Variants in PTDSS2 observed in about 807,000 individuals in gnomAD.
PTDSS2 encodes PSS-2.
PTDSS2 carries 41 observed loss-of-function variants against 64.7 expected under a neutral mutation model. That is an observed-to-expected ratio of 0.63 (90% confidence interval 0.49 to 0.82). PTDSS2 has a LOEUF of 0.82. Among genes scored for constraint, PTDSS2 ranks in the 40% least tolerant of loss-of-function variants. The pLI is 0.00. For missense variants in PTDSS2, 485 were observed against 650.0 expected, an observed-to-expected ratio of 0.75 and a Z score of 2.76; for synonymous variants, 297 against 277.8, an observed-to-expected ratio of 1.07 and a Z score of -0.69.
At chr11:449,341 G>A (rs573283673), upstream of PTDSS2, among the ~76,000 whole-genome samples, 15 of 152,344 alleles carry the variant, frequency 9.8e-5, 3 homozygotes, top group African/African-American at 3.6e-4. Flanking sequence ...GTGCTGGGAT[G>A]ACAGGCGTGC....
chr11:454,873 G>A (rs892906301), intron 1 of PTDSS2, among the ~76,000 whole-genome samples: 4 of 152,218 alleles, frequency 2.6e-5, no homozygotes, highest in Admixed American at 2.0e-4. Flanking sequence ...CTTGGTGCTG[G>A]TGGGACACAG....
upstream of PTDSS2, among the ~76,000 whole-genome samples, chr11:449,098 C>G (rs1392736289): frequency 7.1e-6 from 1 of 139,980 alleles, no homozygotes; most frequent in Non-Finnish European, 1.5e-5. Flanking sequence ...GACGGAGTCT[C>G]GCTCTGTCGC....
rs562263809 is a variant in PTDSS2, at chr11:462,455, G to T, written c.284+2167G>T. 6.6e-6 allele frequency among the ~76,000 whole-genome samples: 1 copy of T among 152,174 alleles called. No homozygotes were observed. The stretch of plus-strand genomic sequence containing the variant: ...GTTCTGTTCTGGGGACACTAAACGC[G>T]CTCCCAACTCACATTCTCTTTCCCC... On this transcript the variant is annotated intron_variant, in intron 2 of 11. Coordinates refer to ENST00000308020, the MANE Select transcript of PTDSS2 (RefSeq NM_030783.3). The surrounding 1 kb of genome is among the most constrained non-coding windows in gnomAD (Gnocchi z 4.5).
chr11:459,431 G>A (rs1429368331), intron 1 of PTDSS2: 2 of 152,980 alleles, frequency 1.3e-5, no homozygotes, highest in Admixed American at 6.5e-5. Flanking sequence ...GAGGCACAGA[G>A]GGGTGCATCA....
intron 2 of PTDSS2, among the ~76,000 whole-genome samples, chr11:464,440 G>T (rs1590628799): frequency 6.6e-6 from 1 of 152,140 alleles, no homozygotes; most frequent in African/African-American, 2.4e-5. Flanking sequence ...TGCGCTCAGA[G>T]TGCCTCACCC....
chr11:487,162 C>G (rs1366237530), intron 5 of PTDSS2, 89 bp downstream of exon 5: 10 of 1,265,056 alleles, frequency 7.9e-6, no homozygotes, highest in South Asian at 1.4e-5. Context: ...CCTCGCACCC[C>G]TCAGCCCACA....
At position 488,695 on chromosome 11, in the gene PTDSS2, A is replaced by C. The variant is rs373982001; in HGVS notation, c.854+48A>C. ...GCAGGGCCGGGTGGGGGTTACCTGG[A>C]GGCAGCCTCAGCGTCCGTGCTCCAG... On this transcript the variant is annotated intron_variant, in intron 8 of 11. Coordinates refer to ENST00000308020, the MANE Select transcript of PTDSS2 (RefSeq NM_030783.3). 156 of 1,385,156 alleles carry C rather than the reference A, an allele frequency of 1.1e-4. No homozygotes were observed. The African/African-American group carries it at 1.5e-3, about 13-fold the overall frequency. The allele number at this position is 1,385,156 out of a possible 1,614,324, so 85.8% of individuals were successfully genotyped here. A position where few individuals can be genotyped will look rare whatever the true frequency, so the allele number is the denominator to read the frequency against.
At chr11:455,437 G>A (rs901061695) in intron 1 of PTDSS2, among the ~76,000 whole-genome samples, 4 of 152,146 alleles carry the variant, frequency 2.6e-5, no homozygotes, top group South Asian at 2.1e-4. Flanking sequence ...TCCTGCTCCC[G>A]TGCACACCAC....
At chr11:483,912 G>A (rs529887670) in intron 4 of PTDSS2, among the ~76,000 whole-genome samples, 23 of 152,254 alleles carry the variant, frequency 1.5e-4, no homozygotes, top group Admixed American at 4.6e-4. Context: ...ACTGCCTGGC[G>A]AGATGTGTCT....
intron 2 of PTDSS2, among the ~76,000 whole-genome samples, chr11:468,868 C>G (rs1413879256): frequency 1.6e-5 from 2 of 126,922 alleles, no homozygotes; most frequent in African/African-American, 6.3e-5. Context: ...AGGGGAGTCT[C>G]TGAATAATTG....
At chr11:487,807 C>T (rs1039670087) in intron 6 of PTDSS2, among the ~76,000 whole-genome samples, 1 of 152,238 alleles carries the variant, frequency 6.6e-6, no homozygotes, top group East Asian at 1.9e-4. Context: ...CTGCTTGACC[C>T]TGCAGCCCAC....
At position 490,782 on chromosome 11, in the gene PTDSS2, G is replaced by A. The variant is rs1848642154; in HGVS notation, c.*200G>A. The stretch of plus-strand genomic sequence containing the variant: ...TCTCCATGTGTACACGTGTGTACGT[G>A]TGTATGCGTGTGTGTACGCGTGTGT... On this transcript the variant is annotated 3_prime_UTR_variant, in exon 12 of 12. Coordinates refer to ENST00000308020, the MANE Select transcript of PTDSS2 (RefSeq NM_030783.3). The A allele has an allele frequency of 3.3e-6, 2 of 611,474 alleles. No homozygotes were observed. Among genetic ancestry groups the A allele is most frequent in the Non-Finnish European group, 5.7e-6 (2 of 348,700 alleles). The allele number at this position is 611,474 out of a possible 1,614,324, so 37.9% of individuals were successfully genotyped here.
chr11:490,428 C>T lies in PTDSS2; in HGVS notation c.1310C>T (p.Thr437Ile). 4.3e-6 allele frequency: 7 copies of T among 1,613,236 alleles called. No individual in the cohort carries two copies. Among genetic ancestry groups the T allele is most frequent in the Non-Finnish European group, 5.9e-6 (7 of 1,179,954 alleles). The change falls in exon 12 of 12, where the codon ACA becomes ATA. Residue 437 changes from threonine (T) to isoleucine (I), a missense_variant. Physicochemically the swap from Thr to Ile is moderately conservative, Grantham distance 89 (BLOSUM62 -1). Coordinates refer to ENST00000308020, the MANE Select transcript of PTDSS2 (RefSeq NM_030783.3). Reference sequence around the variant, plus strand: ...TGCATCCCGCTCCCCAGGGACATCACATTGAGGTACAAGGAGACCCGGTGG... The same window carrying T: ...TGCATCCCGCTCCCCAGGGACATCATATTGAGGTACAAGGAGACCCGGTGG... ...TVWRFFLRDI[T>I]LRYKETRWQK...
Position 479,303 on chromosome 11 carries a change from C to CTCCA in PTDSS2, c.435+152_435+155dup, listed in dbSNP as rs1847962289. ...CAAAGTAGGCCGAGCTGCGGGGGGT[C>CTCCA]TCCAGGAGCATCTGTGCGGCCCTTG... On this transcript the variant is annotated intron_variant, in intron 4 of 11. Transcript: ENST00000308020. The surrounding 1 kb of genome is among the most constrained non-coding windows in gnomAD (Gnocchi z 4.2). 2.7e-6 allele frequency: 2 copies of CTCCA among 746,550 alleles called. No individual in the cohort carries two copies. Among genetic ancestry groups the CTCCA allele is most frequent in the Non-Finnish European group, 4.8e-6 (2 of 415,492 alleles). 46.2% of individuals were successfully genotyped at this position (746,550 alleles called of 1,614,324 possible).
At position 470,417 on chromosome 11, in the gene PTDSS2, C is replaced by A. The variant is rs1847371425; in HGVS notation, c.285-3478C>A. Among the ~76,000 whole-genome samples, 1 of 152,162 alleles carries A rather than the reference C, an allele frequency of 6.6e-6. No homozygotes were observed. Among genetic ancestry groups the A allele is most frequent in the Admixed American group, 6.5e-5 (1 of 15,268 alleles). ...TCAGAGACAAGGAGAGTCTGAGAAA[C>A]CGTCCCAGCCTCGGGGAGCCTGAAG... On this transcript the variant is annotated intron_variant, in intron 2 of 11. Transcript: ENST00000308020. This position sits in a 1 kb window ranked among gnomAD's most constrained non-coding sequence, Gnocchi z 5.3.
upstream of PTDSS2, chr11:450,208 A>G (rs1846250019): frequency 2.8e-6 from 1 of 356,004 alleles, no homozygotes; most frequent in Admixed American, 4.7e-5. Flanking sequence ...CATCCTTCCC[A>G]GCAAGCACTG....
chr11:484,779 TGTG>T (rs1848230049), intron 4 of PTDSS2, among the ~76,000 whole-genome samples: 1 of 135,080 alleles, frequency 7.4e-6, no homozygotes. Context: ...GTGTGTGTGC[TGTG>T]CGCAGGCGAG....
chr11:450,747 G>A, intron 1 of PTDSS2, 110 bp downstream of exon 1: 1 of 995,798 alleles, frequency 1.0e-6, no homozygotes, highest in Non-Finnish European at 1.3e-6. Context: ...TTGGAGTCCA[G>A]GACTGTGGCC....
chr11:450,166 G>C, upstream of PTDSS2: 1 of 312,494 alleles, frequency 3.2e-6, no homozygotes, highest in Non-Finnish European at 5.9e-6. Context: ...GCCGCAGGGC[G>C]GTCCGGCTCC....
Sources: allele counts gnomAD v4.1 joint callset (sites outside exome capture counted in the v4.1 genomes callset), GRCh38; gene constraint gnomAD v4.1.1; non-coding constraint Gnocchi (gnomAD v3.1); transcripts MANE v1.5; gene names NCBI Gene and HGNC (gene_info 2026-07-23, HGNC 2026-07-21).